MATN2: variants seen among roughly 807,000 people sequenced by gnomAD.
The protein encoded by MATN2 is matrilin 2.
Under a neutral mutation model 103.2 loss-of-function variants are expected in MATN2, and 69 were observed. The ratio of observed to expected loss-of-function variants is 0.67; its 90% CI spans 0.55 to 0.82. The LOEUF is 0.82. Among genes scored for constraint, MATN2 ranks in the 40% least tolerant of loss-of-function variants. The pLI is 0.00. For synonymous variants in MATN2, 429 were observed against 450.2 expected, an observed-to-expected ratio of 0.95 and a Z score of 0.60; for missense variants, 1,023 against 1,211.5, an observed-to-expected ratio of 0.84 and a Z score of 2.31.
At chr8:97,953,580 A>G (rs1396174257) in intron 4 of MATN2, among the ~76,000 whole-genome samples, 4 of 152,216 alleles carry the variant, frequency 2.6e-5, no homozygotes, top group East Asian at 3.9e-4. Flanking sequence ...TGAGGTCAGG[A>G]GTTCGAGATC....
At chr8:98,015,462 C>T (rs953076341) in intron 10 of MATN2, among the ~76,000 whole-genome samples, 2 of 149,798 alleles carry the variant, frequency 1.3e-5, no homozygotes, top group Middle Eastern at 3.4e-3. Context: ...ATGCTCCAGT[C>T]ACAGTGGTCT....
chr8:97,877,121 C>A (rs1818102465), intron 1 of MATN2, among the ~76,000 whole-genome samples: 1 of 151,820 alleles, frequency 6.6e-6, no homozygotes, highest in African/African-American at 2.4e-5. Flanking sequence ...ATCCTCCCAC[C>A]TCAGCCTCCC....
intron 1 of MATN2, 79 bp from the exon 2 acceptor site, chr8:97,887,996 C>T: frequency 2.2e-6 from 3 of 1,354,062 alleles, no homozygotes; most frequent in East Asian, 2.6e-5. Flanking sequence ...AAAGGCGGGG[C>T]AGCGGGCCTG....
intron 2 of MATN2, among the ~76,000 whole-genome samples, chr8:97,913,313 G>A (rs912873264): frequency 2.7e-5 from 4 of 146,760 alleles, no homozygotes; most frequent in African/African-American, 4.9e-5. Flanking sequence ...GACAGCAATC[G>A]ATTTTTTTTT....
At chr8:98,017,733 A>G (rs897779921) in intron 11 of MATN2, among the ~76,000 whole-genome samples, 1 of 152,238 alleles carries the variant, frequency 6.6e-6, no homozygotes, top group Non-Finnish European at 1.5e-5. Flanking sequence ...ATGTCTACAG[A>G]AAGTTGATGA....
At chr8:98,019,059 A>T (rs553738135) in intron 12 of MATN2, among the ~76,000 whole-genome samples, 36 of 148,864 alleles carry the variant, frequency 2.4e-4, no homozygotes, top group African/African-American at 8.1e-4. Context: ...TATAATATAT[A>T]TATGTCTTCT....
chr8:97,888,186 G>C lies in MATN2; in HGVS notation c.86G>C (p.Gly29Ala), dbSNP rs748477428. The change falls in exon 2 of 19, where the codon GGG (glycine) becomes GCG (alanine). Residue 29 changes from glycine to alanine, a missense_variant. Physicochemically the swap from Gly to Ala is moderately conservative, Grantham distance 60. Coordinates refer to ENST00000254898, the MANE Select transcript of MATN2 (RefSeq NM_002380.5). ...LPAEARERSR[G>A]RSISRGRHAR... ...GCCGAGGCCAGGGAGCGGTCACGTGGGAGGTCCATCTCTAGGGGCAGACAC... is the reference window on the plus strand; with the variant it reads ...GCCGAGGCCAGGGAGCGGTCACGTGCGAGGTCCATCTCTAGGGGCAGACAC... 6.2e-7 allele frequency: 1 copy of C among 1,606,088 alleles called. No homozygotes were observed. Among genetic ancestry groups the C allele is most frequent in the Non-Finnish European group, 8.5e-7 (1 of 1,175,326 alleles).
chr8:97,911,427 G>T (rs933556794), intron 2 of MATN2, among the ~76,000 whole-genome samples: 1 of 152,040 alleles, frequency 6.6e-6, no homozygotes, highest in African/African-American at 2.4e-5. Flanking sequence ...TAAAGTTATG[G>T]TCCGGGTGCC....
intron 15 of MATN2, among the ~76,000 whole-genome samples, 194 bp downstream of exon 15, chr8:98,030,808 A>G (rs1017613222): frequency 6.6e-6 from 1 of 151,916 alleles, no homozygotes; most frequent in African/African-American, 2.4e-5. Context: ...GATTACAGGC[A>G]CCCACCACCA....
At chr8:97,941,283 TGTG>T (rs1056895527) in intron 3 of MATN2, among the ~76,000 whole-genome samples, 1 of 152,056 alleles carries the variant, frequency 6.6e-6, no homozygotes, top group African/African-American at 2.4e-5. Flanking sequence ...ACTCCAAAAT[TGTG>T]TGTATACTTT....
intron 2 of MATN2, among the ~76,000 whole-genome samples, chr8:97,912,864 C>T (rs370090684): frequency 2.0e-5 from 3 of 152,264 alleles, no homozygotes; most frequent in African/African-American, 7.2e-5. Flanking sequence ...CTGACGGAGC[C>T]ACCAGGGCCA....
rs151208737 is a variant in MATN2 at position 98,035,666 on chromosome 8, T to C, written c.2825T>C (p.Met942Thr). The change falls in exon 19 of 19, where the codon ATG becomes ACG. Residue 942 changes from methionine to threonine, a missense_variant. By Grantham distance (81) the Met-to-Thr change is moderately conservative. Coordinates refer to ENST00000254898, the MANE Select transcript of MATN2 (RefSeq NM_002380.5). ...VRKLTQRLEE[M>T]TQRMEALENR... ...TTAATTTGAGATTTACTAGAAGAAA[T>C]GACACAGAGAATGGAAGCCCTGGAA... The C allele has an allele frequency of 2.6e-3, 4,125 of 1,582,392 alleles. 7 individuals carry two copies. The highest frequency in any genetic ancestry group is 3.3e-3 in the Non-Finnish European group (3,804 of 1,158,138).
At chr8:97,908,237 A>G (rs763191442) in intron 2 of MATN2, among the ~76,000 whole-genome samples, 4 of 152,192 alleles carry the variant, frequency 2.6e-5, no homozygotes, top group Non-Finnish European at 4.4e-5. Flanking sequence ...AGCCTGGGCA[A>G]CAAGAGTGAA....
intron 12 of MATN2, among the ~76,000 whole-genome samples, chr8:98,018,694 GA>G (rs1813464952): frequency 2.0e-5 from 3 of 152,098 alleles, no homozygotes; most frequent in Non-Finnish European, 4.4e-5. Context: ...CTTGTGCAGG[GA>G]AACCCCCTTT....
chr8:98,002,088 C>T (rs1373518730), intron 7 of MATN2, among the ~76,000 whole-genome samples: 3 of 152,236 alleles, frequency 2.0e-5, no homozygotes, highest in African/African-American at 2.4e-5. Context: ...CATAAAGCCT[C>T]TCCACAAGCT....
At chr8:97,992,070 A>G (rs377312098) in intron 6 of MATN2, among the ~76,000 whole-genome samples, 1 of 152,266 alleles carries the variant, frequency 6.6e-6, no homozygotes, top group Non-Finnish European at 1.5e-5. Context: ...GGTAGATTAA[A>G]TATAAGTATT....
intron 1 of MATN2, among the ~76,000 whole-genome samples, chr8:97,883,393 G>T (rs900162042): frequency 1.3e-5 from 2 of 151,338 alleles, no homozygotes; most frequent in African/African-American, 2.4e-5. Context: ...ATTGCACTTT[G>T]TTTGTTTGTT....
chr8:98,032,195 C>CA (rs1814052036), intron 15 of MATN2, 51 bp from the exon 16 acceptor site: 2 of 1,461,300 alleles, frequency 1.4e-6, no homozygotes, highest in East Asian at 4.7e-5. Flanking sequence ...GAAGAACACA[C>CA]ACATGCCTGT....
At position 97,888,193 on chromosome 8, in the gene MATN2, C is replaced by T; in HGVS notation, c.93C>T (p.Ser31=). The T allele has an allele frequency of 6.2e-7, 1 of 1,604,546 alleles. No homozygotes were observed. Among genetic ancestry groups the T allele is most frequent in the Non-Finnish European group, 8.5e-7 (1 of 1,174,524 alleles). The change falls in exon 2 of 19, where the codon TCC becomes TCT. Residue 31 remains serine (S), a synonymous_variant. Transcript: ENST00000254898. ...CCAGGGAGCGGTCACGTGGGAGGTCCATCTCTAGGGGCAGACACGCTCGGA... is the reference window on the plus strand; with the variant it reads ...CCAGGGAGCGGTCACGTGGGAGGTCTATCTCTAGGGGCAGACACGCTCGGA... ...AEARERSRGR[S]ISRGRHARTH... is the part of the protein sequence containing the mutation.
Sources: gnomAD v4.1 joint callset for allele counts (sites outside exome capture counted in the v4.1 genomes callset) on GRCh38, gnomAD v4.1.1 for gene constraint, MANE v1.5 for transcripts, NCBI Gene and HGNC (gene_info 2026-07-23, HGNC 2026-07-21) for gene names.